Variants in HEMK2 observed in about 807,000 individuals in gnomAD.
The protein encoded by HEMK2 is HemK methyltransferase 2, ETF1 glutamine and histone H4 lysine.
chr21:28,710,043 GATTCCCTGTTAAAACACCTAGA>G, the HEMK2 span, among the ~76,000 whole-genome samples: 1 of 152,148 alleles, frequency 6.6e-6, no homozygotes, highest in Non-Finnish European at 1.5e-5. Flanking sequence ...TACTCTTTGG[GATTCCCTGTTAAAACACCTAGA>G]ATTCCTACTT....
At chr21:28,723,992 C>A in the HEMK2 span, among the ~76,000 whole-genome samples, 34,704 of 151,902 alleles carry the variant, frequency 0.23, 4,459 homozygotes, top group African/African-American at 0.34. Context: ...AAGGCCTCAG[C>A]AATGATTCTA....
the HEMK2 span, among the ~76,000 whole-genome samples, chr21:28,792,334 C>T: frequency 6.6e-6 from 1 of 152,174 alleles, no homozygotes; most frequent in Non-Finnish European, 1.5e-5. Context: ...AATAAACTTG[C>T]TTTCACTTTA....
chr21:28,730,384 A>T, the HEMK2 span, among the ~76,000 whole-genome samples: 1 of 5,838 alleles, frequency 1.7e-4, no homozygotes, highest in South Asian at 1.6e-3. Flanking sequence ...ACACACACAG[A>T]CACACACACA....
At chr21:28,798,763 G>A in the HEMK2 span, among the ~76,000 whole-genome samples, 1 of 152,200 alleles carries the variant, frequency 6.6e-6, no homozygotes, top group East Asian at 1.9e-4. Flanking sequence ...AGCTAATACA[G>A]CTAATACAAC....
chr21:28,667,784 C>A, the HEMK2 span, among the ~76,000 whole-genome samples: 2 of 152,176 alleles, frequency 1.3e-5, no homozygotes, highest in African/African-American at 4.8e-5. Flanking sequence ...GGCCTCCTAG[C>A]TGTGGGATCT....
At chr21:28,861,829 G>A in the HEMK2 span, among the ~76,000 whole-genome samples, 3 of 152,274 alleles carry the variant, frequency 2.0e-5, no homozygotes, top group East Asian at 5.8e-4. Context: ...ATCAAGGGGT[G>A]GAAGTGGAAG....
the HEMK2 span, among the ~76,000 whole-genome samples, chr21:28,807,158 G>A: frequency 3.3e-5 from 5 of 152,220 alleles, no homozygotes; most frequent in East Asian, 1.9e-4. Context: ...GCAACCACCC[G>A]ATGGGTAGCT....
chr21:28,815,773 T>C, the HEMK2 span, among the ~76,000 whole-genome samples: 2 of 152,084 alleles, frequency 1.3e-5, no homozygotes, highest in African/African-American at 4.8e-5. Context: ...ACCAACTAAA[T>C]AACTAACATC....
At chr21:28,778,418 G>C in the HEMK2 span, among the ~76,000 whole-genome samples, 2 of 152,348 alleles carry the variant, frequency 1.3e-5, no homozygotes, top group East Asian at 3.9e-4. Context: ...ATATGAACAT[G>C]TTTCAATATA....
At chr21:28,876,436 G>A in the HEMK2 span, 2 of 1,611,682 alleles carry the variant, frequency 1.2e-6, no homozygotes, top group South Asian at 1.1e-5. Context: ...CTGCTTGTCT[G>A]GAAAGTGCAG....
the HEMK2 span, chr21:28,883,098 T>C: frequency 5.4e-6 from 8 of 1,487,104 alleles, no homozygotes; most frequent in South Asian, 9.9e-5. Flanking sequence ...TAAATATTAG[T>C]ATAGTAGAAT....
the HEMK2 span, chr21:28,883,116 C>T: frequency 7.4e-7 from 1 of 1,359,306 alleles, no homozygotes; most frequent in Non-Finnish European, 1.0e-6. Flanking sequence ...AATCAAAATA[C>T]TCTTCACAGA....
the HEMK2 span, among the ~76,000 whole-genome samples, chr21:28,592,758 ACTGTTGTTGCTG>A: frequency 2.6e-5 from 4 of 152,222 alleles, no homozygotes; most frequent in Non-Finnish European, 5.9e-5. Context: ...CTGAAAGCTT[ACTGTTGTTGCTG>A]CTGTTGTTGC....
the HEMK2 span, among the ~76,000 whole-genome samples, chr21:28,747,085 T>C: frequency 2.6e-5 from 4 of 152,226 alleles, no homozygotes; most frequent in Non-Finnish European, 5.9e-5. Flanking sequence ...AATGGACAGA[T>C]CTAGAAGATC....
chr21:28,589,878 TG>T, the HEMK2 span, among the ~76,000 whole-genome samples: 1 of 152,220 alleles, frequency 6.6e-6, no homozygotes, highest in Non-Finnish European at 1.5e-5. Flanking sequence ...CCTCATGAGA[TG>T]GATTGCAGTC....
the HEMK2 span, among the ~76,000 whole-genome samples, chr21:28,820,598 T>A: frequency 3.3e-5 from 5 of 152,272 alleles, no homozygotes; most frequent in African/African-American, 1.2e-4. Context: ...AACACCTGTA[T>A]CCCATTGGAA....
chr21:28,708,262 T>G, the HEMK2 span, among the ~76,000 whole-genome samples: 1 of 152,192 alleles, frequency 6.6e-6, no homozygotes, highest in Non-Finnish European at 1.5e-5. Context: ...AACTTACATG[T>G]GGAAACTTAA....
At chr21:28,648,693 A>T in the HEMK2 span, among the ~76,000 whole-genome samples, 2 of 152,182 alleles carry the variant, frequency 1.3e-5, no homozygotes, top group African/African-American at 4.8e-5. Context: ...CACCATAAAG[A>T]AGTATGTCAA....
the HEMK2 span, among the ~76,000 whole-genome samples, chr21:28,660,883 G>A: frequency 2.2e-4 from 33 of 152,024 alleles, no homozygotes; most frequent in Non-Finnish European, 3.7e-4. Flanking sequence ...AGTTATCTTT[G>A]AACGAAGTAT....
Sources: allele counts gnomAD v4.1 joint callset (sites outside exome capture counted in the v4.1 genomes callset), GRCh38; gene constraint gnomAD v4.1.1; transcripts MANE v1.5; gene names NCBI Gene and HGNC (gene_info 2026-07-23, HGNC 2026-07-21).